The following TRIM49C variants were observed in gnomAD, a reference collection of about 807,000 sequenced individuals.
TRIM49C encodes the protein tripartite motif containing 49C.
Under a neutral mutation model 21.4 loss-of-function variants are expected in TRIM49C, and 6 were observed. The observed-to-expected ratio is 0.28, with a 90% confidence interval of 0.15 to 0.55. The LOEUF (loss-of-function observed/expected upper bound fraction) is 0.55. TRIM49C is among the 20% of genes least tolerant of loss of function. The pLI, the probability that TRIM49C is intolerant of heterozygous loss-of-function variation, is 0.94. For missense variants in TRIM49C, 161 were observed against 442.4 expected, an observed-to-expected ratio of 0.36 and a Z score of 5.71; for synonymous variants, 57 against 148.1, an observed-to-expected ratio of 0.38 and a Z score of 4.47.
the TRIM49C span, among the ~76,000 whole-genome samples, chr11:90,053,987 A>T: frequency 3.6e-5 from 5 of 140,566 alleles, 1 homozygote; most frequent in Non-Finnish European, 7.8e-5. Flanking sequence ...AAATTCTCAC[A>T]ATTTATTTTA....
intron 2 of TRIM49C, among the ~76,000 whole-genome samples, chr11:90,034,122 A>AT (rs1950707239): frequency 8.4e-6 from 1 of 118,474 alleles, no homozygotes; most frequent in Non-Finnish European, 1.6e-5. Context: ...TGTCCTGAGA[A>AT]TACCGGTATC....
chr11:90,071,094 C>T, the TRIM49C span: 2 of 490,316 alleles, frequency 4.1e-6, no homozygotes, highest in Non-Finnish European at 8.1e-6. Flanking sequence ...CCTCACCCAA[C>T]AAGAATAACA....
chr11:90,041,319 A>T lies in TRIM49C; in HGVS notation c.1128A>T (p.Gly376=), dbSNP rs1950768617. Reference sequence around the variant, plus strand: ...ATGAGAAGATAGATGGAAAGGAGGGACTCTTTCTTCTTGGGTGTATTAAGA... The same window carrying T: ...ATGAGAAGATAGATGGAAAGGAGGGTCTCTTTCTTCTTGGGTGTATTAAGA... ...NQNEKIDGKE[G]LFLLGCIKND... Residue 376 remains glycine, a synonymous_variant, in exon 8 of 8, where the codon GGA becomes GGT. Transcript: ENST00000448984. 2 of 1,589,100 alleles carry T rather than the reference A, an allele frequency of 1.3e-6. No individual in the cohort carries two copies.
rs1219498842 is a variant in TRIM49C at position 90,041,329 on chromosome 11, C to G, written c.1138C>G (p.Leu380Val). The change falls in exon 8 of 8, where the codon CTT (leucine) becomes GTT (valine). Residue 380 changes from leucine to valine, a missense_variant. Transcript: ENST00000448984. ...AGATGGAAAGGAGGGACTCTTTCTT[C>G]TTGGGTGTATTAAGAATGACATTCA... is the stretch of plus-strand genomic sequence containing the variant. ...KIDGKEGLFL[L>V]GCIKNDIQCS... is the part of the protein sequence containing the mutation. 1 of 1,590,210 alleles carries G rather than the reference C, an allele frequency of 6.3e-7. No individual in the cohort carries two copies. The highest frequency in any genetic ancestry group is 1.4e-5 in the African/African-American group (1 of 72,650).
At chr11:90,066,176 A>C in the TRIM49C span, among the ~76,000 whole-genome samples, 1 of 133,020 alleles carries the variant, frequency 7.5e-6, no homozygotes, top group African/African-American at 2.7e-5. Context: ...ACCTGCCACT[A>C]AGCCCAGCTA....
downstream of TRIM49C, among the ~76,000 whole-genome samples, chr11:90,045,047 G>A (rs927061446): frequency 8.6e-6 from 1 of 116,444 alleles, no homozygotes; most frequent in Non-Finnish European, 1.8e-5. Context: ...TTTCCCCATT[G>A]CTTGTTTTTG....
At chr11:90,069,395 G>T in the TRIM49C span, among the ~76,000 whole-genome samples, 2 of 130,606 alleles carry the variant, frequency 1.5e-5, no homozygotes, top group Non-Finnish European at 3.2e-5. Context: ...GATTACAGGC[G>T]TGAGCCACCG....
the TRIM49C span, among the ~76,000 whole-genome samples, chr11:90,071,393 C>A: frequency 1.4e-5 from 2 of 141,154 alleles, no homozygotes; most frequent in Non-Finnish European, 3.1e-5. Context: ...TCAGGGGTTT[C>A]TGTTTTGAAG....
chr11:90,065,497 C>T, the TRIM49C span, among the ~76,000 whole-genome samples: 4 of 130,784 alleles, frequency 3.1e-5, 1 homozygote, highest in South Asian at 2.7e-4. Context: ...TATGGGCCCA[C>T]GGAAGACCAC....
intron 1 of TRIM49C, among the ~76,000 whole-genome samples, chr11:90,031,485 CA>C: frequency 7.3e-6 from 1 of 136,134 alleles, no homozygotes; most frequent in East Asian, 2.2e-4. Context: ...CATATAACAA[CA>C]AAAAGACTTG....
At chr11:90,048,794 T>C in the TRIM49C span, among the ~76,000 whole-genome samples, 2 of 125,976 alleles carry the variant, frequency 1.6e-5, 1 homozygote, top group African/African-American at 6.4e-5. Context: ...TCCAGCTTTG[T>C]TCCATTGCTG....
chr11:90,041,393 A>G lies in TRIM49C; in HGVS notation c.1202A>G (p.Tyr401Cys), dbSNP rs1227842969. The G allele has an allele frequency of 6.3e-7, 1 of 1,586,330 alleles. No homozygotes were observed. Among genetic ancestry groups the G allele is most frequent in the East Asian group, 2.3e-5 (1 of 44,012 alleles). Residue 401 changes from tyrosine to cysteine, a missense_variant, in exon 8 of 8, where the codon TAT becomes TGT. Tyr to Cys is a radical substitution (Grantham distance 194, BLOSUM62 -2). Transcript: ENST00000448984. ...ACCACCTCCCCACTTATGCTGCAAT[A>G]TATCCCAAAACCTACCAGCCGAGTA... ...LFTTSPLMLQ[Y>C]IPKPTSRVGL...
At chr11:90,035,861 G>A in intron 3 of TRIM49C, 27 bp from the exon 4 acceptor site, 2 of 653,526 alleles carry the variant, frequency 3.1e-6, no homozygotes, top group Non-Finnish European at 4.4e-6. Context: ...GTCTGCACTG[G>A]TGCTTCAATT....
chr11:90,070,811 T>C, the TRIM49C span, among the ~76,000 whole-genome samples: 1 of 141,780 alleles, frequency 7.1e-6, no homozygotes, highest in Middle Eastern at 3.3e-3. Context: ...TGTTTGTTTG[T>C]TTTGAGACAG....
At chr11:90,045,112 T>C (rs180776821), downstream of TRIM49C, among the ~76,000 whole-genome samples, 6,378 of 133,938 alleles carry the variant, frequency 0.048, 1,040 homozygotes, top group Non-Finnish European at 0.069. Flanking sequence ...TTCTGAGGGC[T>C]CTGTTCTATT....
chr11:90,072,432 A>G, the TRIM49C span, among the ~76,000 whole-genome samples: 1 of 146,728 alleles, frequency 6.8e-6, no homozygotes, highest in East Asian at 2.0e-4. Context: ...CACTTTTCAG[A>G]AGGCAGATTC....
At chr11:90,033,590 C>G (rs1256915342) in intron 2 of TRIM49C, among the ~76,000 whole-genome samples, 1 of 130,336 alleles carries the variant, frequency 7.7e-6, no homozygotes, top group East Asian at 2.3e-4. Context: ...TAGTGTATAC[C>G]ATAGGTGTAG....
the TRIM49C span, among the ~76,000 whole-genome samples, chr11:90,064,820 C>T: frequency 5.9e-5 from 9 of 151,332 alleles, no homozygotes; most frequent in African/African-American, 1.7e-4. Flanking sequence ...AGACCTCAAG[C>T]GATCTGCCTG....
At chr11:90,062,869 C>G in the TRIM49C span, 1 of 1,407,702 alleles carries the variant, frequency 7.1e-7, no homozygotes, top group Non-Finnish European at 9.4e-7. Context: ...CTGCCTTCTT[C>G]TGAGCAGAGG....
Sources: gnomAD v4.1 joint callset for allele counts (sites outside exome capture counted in the v4.1 genomes callset) on GRCh38, gnomAD v4.1.1 for gene constraint, MANE v1.5 for transcripts, NCBI Gene and HGNC (gene_info 2026-07-23, HGNC 2026-07-21) for gene names.